The following MGAT4C variants were observed in gnomAD, a reference collection of about 807,000 sequenced individuals.
MGAT4C encodes the protein alpha-1,3-mannosyl-glycoprotein 4-beta-N-acetylglucosaminyltransferase C.
In MGAT4C, 19 loss-of-function variants were observed where a neutral mutation model predicts 40.1. That is an observed-to-expected ratio of 0.47 (90% CI 0.33 to 0.70). The LOEUF is 0.70. Among genes scored for constraint, MGAT4C ranks in the 30% least tolerant of loss-of-function variants. The pLI, the probability that MGAT4C is intolerant of heterozygous loss-of-function variation, is 0.02. For missense variants in MGAT4C, 491 were observed against 563.2 expected (o/e 0.87, Z 1.30); for synonymous variants, 181 against 187.1 (o/e 0.97, Z 0.27).
intron 1 of MGAT4C, among the ~76,000 whole-genome samples, chr12:86,208,261 T>C (rs1950337575): frequency 1.3e-5 from 2 of 151,742 alleles, no homozygotes; most frequent in Admixed American, 6.6e-5. Context: ...AGATCAGGAG[T>C]TCAAGACCAG....
chr12:86,251,591 C>CAA (rs1467091183), intron 1 of MGAT4C, among the ~76,000 whole-genome samples: 1 of 152,042 alleles, frequency 6.6e-6, no homozygotes, highest in Non-Finnish European at 1.5e-5. Flanking sequence ...CTTAACTTTA[C>CAA]ACCTTGCCTC....
intron 2 of MGAT4C, among the ~76,000 whole-genome samples, chr12:86,655,886 A>G (rs1963836237): frequency 6.6e-6 from 1 of 152,060 alleles, no homozygotes; most frequent in Admixed American, 6.6e-5. Flanking sequence ...AAAAGCTCAC[A>G]CGAGGAGGGT....
At chr12:86,207,526 T>C (rs920036252) in intron 1 of MGAT4C, among the ~76,000 whole-genome samples, 2 of 151,818 alleles carry the variant, frequency 1.3e-5, no homozygotes, top group African/African-American at 4.8e-5. Context: ...GAAGAATGAA[T>C]ACAAGTTTGT....
intron 3 of MGAT4C, among the ~76,000 whole-genome samples, chr12:86,339,146 G>A (rs1954853732): frequency 6.6e-6 from 1 of 151,944 alleles, no homozygotes; most frequent in Non-Finnish European, 1.5e-5. Flanking sequence ...TGAAAAAATT[G>A]GAGCACAAAG....
chr12:86,114,049 T>G (rs1470473607), intron 1 of MGAT4C, among the ~76,000 whole-genome samples: 1 of 151,940 alleles, frequency 6.6e-6, no homozygotes. Context: ...CTTCTGTGTC[T>G]ACCTTTTGCA....
intron 4 of MGAT4C, among the ~76,000 whole-genome samples, chr12:86,331,070 C>T (rs1212884938): frequency 6.6e-6 from 1 of 152,006 alleles, no homozygotes; most frequent in East Asian, 1.9e-4. Flanking sequence ...GAGGCCAAGG[C>T]AAGTTTTAGA....
rs372102222 is a variant in MGAT4C at position 85,957,744 on chromosome 12, A to C, written c.*21545T>G. 1 of 151,912 alleles carries C rather than the reference A, an allele frequency of 6.6e-6. No homozygotes were observed. Among genetic ancestry groups the C allele is most frequent in the Non-Finnish European group, 1.5e-5 (1 of 67,942 alleles). 9.4% of individuals were successfully genotyped at this position (151,912 alleles called of 1,614,324 possible). A position where few individuals can be genotyped will look rare whatever the true frequency, so the allele number is the denominator to read the frequency against. On this transcript the variant is annotated 3_prime_UTR_variant, in exon 5 of 5. Transcript: ENST00000611864. ...AGACAGATCATATGGTAAAAATACA[A>C]ACTGAACTCCTTCAGCTAAGGGGTT... is the stretch of plus-strand genomic sequence containing the variant.
chr12:86,169,736 G>GTCAATAATACA (rs1178419406), intron 1 of MGAT4C, among the ~76,000 whole-genome samples: 4 of 152,088 alleles, frequency 2.6e-5, no homozygotes, highest in Admixed American at 6.6e-5. Context: ...CAATAATTCA[G>GTCAATAATACA]ATCAACCTCT....
chr12:86,111,332 G>A (rs966479320), intron 1 of MGAT4C, among the ~76,000 whole-genome samples: 4 of 151,752 alleles, frequency 2.6e-5, no homozygotes, highest in Admixed American at 1.3e-4. Flanking sequence ...TGCTATTTGT[G>A]GCTATGCAAA....
intron 1 of MGAT4C, among the ~76,000 whole-genome samples, chr12:86,806,261 T>C (rs1023310267): frequency 6.6e-6 from 1 of 151,986 alleles, no homozygotes; most frequent in Non-Finnish European, 1.5e-5. Flanking sequence ...ATCAATAAAA[T>C]TGTAGTTTCA....
chr12:86,571,996 C>A (rs1007809180), intron 2 of MGAT4C, among the ~76,000 whole-genome samples: 1 of 152,080 alleles, frequency 6.6e-6, no homozygotes, highest in Non-Finnish European at 1.5e-5. Flanking sequence ...CCCCTTCCAA[C>A]AACTTAAAGC....
In MGAT4C at chr12:86,299,660, A is replaced by G. The variant is rs116829836; in HGVS notation, c.-57+34405T>C. 8.9e-3 allele frequency among the ~76,000 whole-genome samples: 1,360 copies of G among 152,292 alleles called. 20 individuals are homozygous for G. The highest frequency in any genetic ancestry group is 0.031 in the African/African-American group (1,276 of 41,548). ...AATGAAATTATATAATATTTAATGT[A>G]AAAGCTTTCTAATTTACAACTGAAC... On this transcript the variant is annotated intron_variant, in intron 4 of 7. Coordinates refer to the MGAT4C transcript ENST00000548651.
chr12:86,372,966 AAAAT>A (rs1377070462), intron 3 of MGAT4C, among the ~76,000 whole-genome samples: 5 of 150,832 alleles, frequency 3.3e-5, no homozygotes, highest in African/African-American at 1.2e-4. Context: ...TATAATAAAT[AAAAT>A]TAATTATAAA....
rs111607294 is a variant in MGAT4C, at chr12:86,522,575, T to C, written c.-228-87310A>G. On this transcript the variant is annotated intron_variant, in intron 2 of 7. Transcript: ENST00000548651. ...GAAGTTTTCTTTTTTTGTTGTATCT[T>C]GGCCAGGTTTTGGTATCAGGAAGAC... Among the ~76,000 whole-genome samples, 513 of 152,188 alleles carry C rather than the reference T, an allele frequency of 3.4e-3. 1 individual carries two copies. Among genetic ancestry groups the C allele is most frequent in the African/African-American group, 0.012 (496 of 41,564 alleles).
intron 2 of MGAT4C, among the ~76,000 whole-genome samples, chr12:86,581,114 T>A (rs1228805567): frequency 2.6e-5 from 4 of 151,446 alleles, no homozygotes; most frequent in Admixed American, 1.3e-4. Context: ...GTTTTTCCAG[T>A]GTAATGCTTA....
At chr12:86,329,881 C>A (rs1041945713) in intron 4 of MGAT4C, among the ~76,000 whole-genome samples, 1 of 152,014 alleles carries the variant, frequency 6.6e-6, no homozygotes, top group Non-Finnish European at 1.5e-5. Context: ...CATAGTTAAC[C>A]CTCAACAAAT....
chr12:86,620,163 A>G (rs923520236), intron 2 of MGAT4C, among the ~76,000 whole-genome samples: 1 of 152,184 alleles, frequency 6.6e-6, no homozygotes, highest in African/African-American at 2.4e-5. Flanking sequence ...GATTTCTCAA[A>G]TACTAAAAAT....
chr12:86,812,033 A>G (rs142710472), intron 1 of MGAT4C, among the ~76,000 whole-genome samples: 105 of 152,312 alleles, frequency 6.9e-4, no homozygotes, highest in African/African-American at 1.6e-3. Context: ...TCTAGTCTAC[A>G]TTTTTTAAAA....
chr12:86,062,932 CA>C (rs1894139704), intron 1 of MGAT4C, among the ~76,000 whole-genome samples: 1 of 152,042 alleles, frequency 6.6e-6, no homozygotes, highest in Admixed American at 6.5e-5. Flanking sequence ...AGAATGGAAC[CA>C]AGTTGGAAAA....
Sources: gnomAD v4.1 joint callset for allele counts (sites outside exome capture counted in the v4.1 genomes callset) on GRCh38, gnomAD v4.1.1 for gene constraint, MANE v1.5 for transcripts, NCBI Gene and HGNC (gene_info 2026-07-23, HGNC 2026-07-21) for gene names.